Variants in VWC2 observed in about 807,000 individuals in gnomAD.
The protein encoded by VWC2 is brorin.
In VWC2, 14 loss-of-function variants were observed where a neutral mutation model predicts 29.8. That is an observed-to-expected ratio of 0.47 (90% confidence interval 0.31 to 0.74). VWC2 has a LOEUF of 0.74. Ranked by LOEUF, VWC2 falls within the 30% of genes least tolerant of loss-of-function variation. The probability of loss-of-function intolerance (pLI) is 0.05; values close to 1 mark genes in which losing one functional copy is unlikely to be tolerated. For missense variants in VWC2, 457 were observed against 459.8 expected, an observed-to-expected ratio of 0.99 and a Z score of 0.05; for synonymous variants, 213 against 199.0, an observed-to-expected ratio of 1.07 and a Z score of -0.59.
chr7:49,830,166 T>C (rs1789492260), intron 3 of VWC2, among the ~76,000 whole-genome samples: 1 of 152,226 alleles, frequency 6.6e-6, no homozygotes, highest in South Asian at 2.1e-4. Context: ...TGTGGTTCTC[T>C]TCCTTTTCAA....
At chr7:49,897,260 A>C (rs910096040) in intron 3 of VWC2, among the ~76,000 whole-genome samples, 1 of 152,224 alleles carries the variant, frequency 6.6e-6, no homozygotes, top group Admixed American at 6.5e-5. Flanking sequence ...AGAATTAATT[A>C]GTATCCTTAA....
chr7:49,877,474 AAAAAAAAAT>A (rs1791464712), intron 3 of VWC2, among the ~76,000 whole-genome samples: 2 of 46,270 alleles, frequency 4.3e-5, no homozygotes, highest in Non-Finnish European at 3.8e-5. Flanking sequence ...AAAAAAAAAA[AAAAAAAAAT>A]ATATATATAT....
intron 3 of VWC2, among the ~76,000 whole-genome samples, chr7:49,893,838 T>C (rs1792250174): frequency 6.6e-6 from 1 of 151,956 alleles, no homozygotes; most frequent in Non-Finnish European, 1.5e-5. Flanking sequence ...TCAAAAGAGG[T>C]TTGGGATGTA....
chr7:49,885,046 T>C (rs1791837751), intron 3 of VWC2, among the ~76,000 whole-genome samples: 2 of 152,280 alleles, frequency 1.3e-5, no homozygotes, highest in Admixed American at 6.5e-5. Context: ...GAATTCCTTG[T>C]ACTATTGCAA....
At chr7:49,782,223 A>G (rs976773614) in intron 2 of VWC2, among the ~76,000 whole-genome samples, 1 of 151,806 alleles carries the variant, frequency 6.6e-6, no homozygotes, top group Admixed American at 6.6e-5. Context: ...AGCTGACCAC[A>G]CCCCCCTTGC....
intron 2 of VWC2, among the ~76,000 whole-genome samples, chr7:49,781,029 T>C (rs980206712): frequency 1.3e-5 from 2 of 152,246 alleles, no homozygotes; most frequent in Non-Finnish European, 2.9e-5. Context: ...TTCAGTCTAA[T>C]GGTATTTATA....
intron 3 of VWC2, among the ~76,000 whole-genome samples, chr7:49,897,179 G>C (rs895863933): frequency 1.2e-4 from 18 of 152,128 alleles, no homozygotes; most frequent in African/African-American, 4.1e-4. Context: ...ACAGGCGTGA[G>C]CCACCGCGCC....
At chr7:49,871,015 A>G (rs1791126439) in intron 3 of VWC2, among the ~76,000 whole-genome samples, 1 of 152,230 alleles carries the variant, frequency 6.6e-6, no homozygotes, top group African/African-American at 2.4e-5. Flanking sequence ...TAAAAAATGC[A>G]AAACCATGAA....
downstream of VWC2, among the ~76,000 whole-genome samples, chr7:49,922,177 G>T (rs1352465756): frequency 1.3e-5 from 2 of 152,074 alleles, no homozygotes; most frequent in African/African-American, 4.8e-5. Context: ...CCCTGAAGTA[G>T]CATCTATAAT....
chr7:49,885,917 G>C (rs1457210169), intron 3 of VWC2, among the ~76,000 whole-genome samples: 1 of 152,244 alleles, frequency 6.6e-6, no homozygotes, highest in African/African-American at 2.4e-5. Context: ...CAAGACCTCC[G>C]TGATTCTGGG....
chr7:49,784,403 T>C (rs79118956), intron 2 of VWC2, among the ~76,000 whole-genome samples: 3,882 of 152,340 alleles, frequency 0.025, 193 homozygotes, highest in African/African-American at 0.089. Flanking sequence ...GGAGTTGGAA[T>C]CCATAGAGCA....
At chr7:49,778,656 T>C (rs1171614500) in intron 2 of VWC2, among the ~76,000 whole-genome samples, 1 of 152,222 alleles carries the variant, frequency 6.6e-6, no homozygotes, top group Non-Finnish European at 1.5e-5. Context: ...GTTGAAAATA[T>C]GAATGTAGAA....
intron 3 of VWC2, 107 bp from the exon 4 acceptor site, chr7:49,911,927 A>C (rs751770430): frequency 1.4e-6 from 1 of 717,750 alleles, no homozygotes. Context: ...ATACACGCAC[A>C]CACACACACA....
chr7:49,887,619 TG>T (rs975929993), intron 3 of VWC2, among the ~76,000 whole-genome samples: 32 of 152,216 alleles, frequency 2.1e-4, no homozygotes, highest in African/African-American at 6.8e-4. Flanking sequence ...GGTTTCCATT[TG>T]TACAGGATTC....
At chr7:49,877,244 C>T (rs1314440457) in intron 3 of VWC2, among the ~76,000 whole-genome samples, 1 of 151,210 alleles carries the variant, frequency 6.6e-6, no homozygotes, top group Non-Finnish European at 1.5e-5. Context: ...GGTCGATCAC[C>T]TGAGGTCAGG....
rs1356463603 is a variant in VWC2, at chr7:49,915,420, TATC to T, written c.*3238_*3240del. 6.6e-6 allele frequency: 1 copy of T among 152,244 alleles called. No individual in the cohort carries two copies. The highest frequency in any genetic ancestry group is 1.5e-5 in the Non-Finnish European group (1 of 68,036). 9.4% of individuals were successfully genotyped at this position (152,244 alleles called of 1,614,324 possible). A position where few individuals can be genotyped will look rare whatever the true frequency, so the allele number is the denominator to read the frequency against. ...TGCAGTAAAACATGCTAAGAAGAAT[TATC>T]ATGCAGTTTTAAGTTCATAACATCA... On this transcript the variant is annotated 3_prime_UTR_variant, in exon 4 of 4. Coordinates refer to ENST00000340652, the MANE Select transcript of VWC2 (RefSeq NM_198570.5).
At chr7:49,796,865 G>A (rs927446693) in intron 2 of VWC2, among the ~76,000 whole-genome samples, 2 of 152,162 alleles carry the variant, frequency 1.3e-5, no homozygotes, top group Admixed American at 6.5e-5. Context: ...TCATATAGGA[G>A]TGTGAATCCC....
intron 2 of VWC2, among the ~76,000 whole-genome samples, chr7:49,798,929 A>G (rs2128705225): frequency 6.6e-6 from 1 of 152,320 alleles, no homozygotes; most frequent in African/African-American, 2.4e-5. Flanking sequence ...ATGGCTCTGC[A>G]GAGGAGGCCA....
chr7:49,828,655 AT>A (rs1789458467), intron 3 of VWC2, among the ~76,000 whole-genome samples: 2 of 152,138 alleles, frequency 1.3e-5, no homozygotes, highest in Middle Eastern at 3.4e-3. Flanking sequence ...CATGTCTTTT[AT>A]TTTTTGTATT....
Sources: allele counts gnomAD v4.1 joint callset (sites outside exome capture counted in the v4.1 genomes callset), GRCh38; gene constraint gnomAD v4.1.1; transcripts MANE v1.5; gene names NCBI Gene and HGNC (gene_info 2026-07-23, HGNC 2026-07-21).